Variants in CNNM2 observed in about 807,000 individuals in gnomAD.
The protein encoded by CNNM2 is cyclin and CBS domain divalent metal cation transport mediator 2.
A neutral mutation model predicts 66.9 loss-of-function variants in CNNM2; 12 were observed. The ratio of observed to expected loss-of-function variants is 0.18; its 90% CI spans 0.11 to 0.29. CNNM2 has a LOEUF of 0.29. Ranked by LOEUF, CNNM2 falls within the 10% of genes least tolerant of loss-of-function variation. The pLI is 1.00. For synonymous variants in CNNM2, 557 were observed against 501.8 expected (o/e 1.11, Z -1.47); for missense variants, 705 against 1,167.7 (o/e 0.60, Z 5.77).
chr10:103,089,946 G>C lies in CNNM2; in HGVS notation c.*12766G>C. On this transcript the variant is annotated 3_prime_UTR_variant, in exon 8 of 8. Coordinates refer to ENST00000369878, the MANE Select transcript of CNNM2 (RefSeq NM_017649.5). The stretch of plus-strand genomic sequence containing the variant: ...AAGCTAGAGGCTCAGAAAGCAGGCA[G>C]AGCAAAGTAGCTACTCCCCAAATCC... The C allele has an allele frequency of 6.5e-7, 1 of 1,531,288 alleles. No individual in the cohort carries two copies. Among genetic ancestry groups the C allele is most frequent in the Non-Finnish European group, 8.8e-7 (1 of 1,135,316 alleles). 94.9% of individuals were successfully genotyped at this position (1,531,288 alleles called of 1,614,324 possible). A position where few individuals can be genotyped will look rare whatever the true frequency, so the allele number is the denominator to read the frequency against.
intron 1 of CNNM2, among the ~76,000 whole-genome samples, chr10:103,043,231 C>T (rs901884275): frequency 4.6e-5 from 7 of 152,162 alleles, no homozygotes; most frequent in Non-Finnish European, 2.9e-5. Flanking sequence ...CCCACAGGCT[C>T]AGTTTGCCTT....
intron 1 of CNNM2, among the ~76,000 whole-genome samples, chr10:103,014,684 A>C (rs2064407578): frequency 6.6e-6 from 1 of 152,068 alleles, no homozygotes; most frequent in Non-Finnish European, 1.5e-5. Context: ...TTGTTTTTTG[A>C]CTGATGCTCA....
At chr10:102,929,713 G>T (rs1291282435) in intron 1 of CNNM2, among the ~76,000 whole-genome samples, 1 of 152,138 alleles carries the variant, frequency 6.6e-6, no homozygotes, top group Non-Finnish European at 1.5e-5. Context: ...CTCATCCGTT[G>T]ATAGACATTT....
At chr10:103,073,865 T>A in intron 6 of CNNM2, among the ~76,000 whole-genome samples, 1 of 55,524 alleles carries the variant, frequency 1.8e-5, no homozygotes, top group Non-Finnish European at 3.2e-5. Context: ...CGAGACTCCG[T>A]CTCAAAAAAA....
intron 1 of CNNM2, among the ~76,000 whole-genome samples, chr10:102,964,521 G>A (rs908733890): frequency 1.3e-5 from 2 of 152,246 alleles, no homozygotes; most frequent in Non-Finnish European, 2.9e-5. Context: ...GAGCCACTGC[G>A]CCTGGCTAGA....
At chr10:103,062,508 A>AG in intron 4 of CNNM2, among the ~76,000 whole-genome samples, 1 of 152,358 alleles carries the variant, frequency 6.6e-6, no homozygotes, top group African/African-American at 2.4e-5. Flanking sequence ...ATACTACTTA[A>AG]GTATATGTCA....
intron 1 of CNNM2, among the ~76,000 whole-genome samples, chr10:102,964,048 T>G (rs2063423793): frequency 6.6e-6 from 1 of 152,234 alleles, no homozygotes; most frequent in African/African-American, 2.4e-5. Context: ...TGTATATCAA[T>G]CCCTTAGGCA....
Position 103,077,084 on chromosome 10 carries a change from C to T in CNNM2, c.2532C>T (p.Asp844=), listed in dbSNP as rs569125352. Reference sequence around the variant, plus strand: ...AATTGACTCTTACGGAGCTGCATGACGGGTTGCCAGACGAGACAGCCAACC... The same window carrying T: ...AATTGACTCTTACGGAGCTGCATGATGGGTTGCCAGACGAGACAGCCAACC... ...KIELTLTELH[D]GLPDETANLL... is the part of the protein sequence containing the mutation. Residue 844 remains aspartate, a synonymous_variant, in exon 8 of 8, where the codon GAC becomes GAT. Coordinates refer to ENST00000369878, the MANE Select transcript of CNNM2 (RefSeq NM_017649.5). The T allele has an allele frequency of 1.0e-4, 169 of 1,613,966 alleles. No individual in the cohort carries two copies. The highest frequency in any genetic ancestry group is 1.2e-4 in the Non-Finnish European group (141 of 1,179,890).
intron 1 of CNNM2, among the ~76,000 whole-genome samples, chr10:103,002,104 A>C (rs2064133672): frequency 6.6e-6 from 1 of 152,238 alleles, no homozygotes; most frequent in Non-Finnish European, 1.5e-5. Context: ...ACCAAAAGCA[A>C]AAGCAACCAC....
Position 103,078,551 on chromosome 10 carries a change from A to G in CNNM2, c.*1371A>G, listed in dbSNP as rs968792588. On this transcript the variant is annotated 3_prime_UTR_variant, in exon 8 of 8. Transcript: ENST00000369878. ...AATACCAAATTCATCATGTAGTGAAATTATGTCAGGAGGTATATGAGTGAC... is the reference window on the plus strand; with the variant it reads ...AATACCAAATTCATCATGTAGTGAAGTTATGTCAGGAGGTATATGAGTGAC... 2 of 152,268 alleles carry G rather than the reference A, an allele frequency of 1.3e-5. No individual in the cohort carries two copies. Among genetic ancestry groups the G allele is most frequent in the African/African-American group, 2.4e-5 (1 of 41,466 alleles). The allele number at this position is 152,268 out of a possible 1,614,324, so 9.4% of individuals were successfully genotyped here. A position where few individuals can be genotyped will look rare whatever the true frequency, so the allele number is the denominator to read the frequency against.
chr10:103,075,967 A>C, intron 6 of CNNM2, 119 bp from the exon 7 acceptor site: 1 of 948,792 alleles, frequency 1.1e-6, no homozygotes, highest in Admixed American at 2.4e-5. Context: ...CGGCCGAGAC[A>C]TCTGGAATCA....
At chr10:103,056,529 A>C (rs1050604487) in intron 3 of CNNM2, among the ~76,000 whole-genome samples, 1 of 152,224 alleles carries the variant, frequency 6.6e-6, no homozygotes, top group Admixed American at 6.5e-5. Flanking sequence ...CGTTTCTGTC[A>C]GTGAAATTAG....
intron 5 of CNNM2, among the ~76,000 whole-genome samples, chr10:103,069,067 A>G (rs1174294505): frequency 6.6e-6 from 1 of 152,032 alleles, no homozygotes; most frequent in East Asian, 1.9e-4. Flanking sequence ...CTTTGCATAA[A>G]TGGAGACACT....
rs71019636 is a variant in CNNM2, at chr10:102,932,916, C to CAA, written c.1621+12836_1621+12837dup. On this transcript the variant is annotated intron_variant, in intron 1 of 7. Coordinates refer to ENST00000369878, the MANE Select transcript of CNNM2 (RefSeq NM_017649.5). ...TGGGTGACAGAGCAAGACTCTGTCTCAAAAAAAAAAAAAAAAAAAAAATTG... is the reference window on the plus strand; with the variant it reads ...TGGGTGACAGAGCAAGACTCTGTCTCAAAAAAAAAAAAAAAAAAAAAAAATTG... Among the ~76,000 whole-genome samples, 29 of 70,570 alleles carry CAA rather than the reference C, an allele frequency of 4.1e-4. No homozygotes were observed. Among genetic ancestry groups the CAA allele is most frequent in the Admixed American group, 1.4e-3 (9 of 6,436 alleles). 46.3% of individuals were successfully genotyped at this position (70,570 alleles called of 152,430 possible). A position where few individuals can be genotyped will look rare whatever the true frequency, so the allele number is the denominator to read the frequency against.
intron 1 of CNNM2, among the ~76,000 whole-genome samples, chr10:102,949,692 G>T (rs1846755648): frequency 6.6e-6 from 1 of 152,060 alleles, no homozygotes; most frequent in African/African-American, 2.4e-5. Flanking sequence ...GCTGAGGCAG[G>T]AATCTGGAAG....
chr10:103,068,727 G>A lies in CNNM2; in HGVS notation c.2167+5G>A, dbSNP rs748143800. On this transcript the variant is annotated splice_donor_5th_base_variant and intron_variant, in intron 5 of 7. Transcript: ENST00000369878. Reference sequence around the variant, plus strand: ...TGGCCCTGACAGCCTCTCCAGGTATGTTTGGTTCCCAGCCGCATAGGGCAG... The same window carrying A: ...TGGCCCTGACAGCCTCTCCAGGTATATTTGGTTCCCAGCCGCATAGGGCAG... 6 of 1,610,234 alleles carry A rather than the reference G, an allele frequency of 3.7e-6. No homozygotes were observed. The East Asian group carries it at 1.3e-4, about 36-fold the overall frequency.
intron 1 of CNNM2, among the ~76,000 whole-genome samples, chr10:102,973,317 C>T (rs2063574231): frequency 6.6e-6 from 1 of 151,860 alleles, no homozygotes; most frequent in South Asian, 2.1e-4. Flanking sequence ...CGCTCTGTTG[C>T]CCAGACTGGA....
intron 1 of CNNM2, among the ~76,000 whole-genome samples, chr10:102,961,589 A>G (rs1488169824): frequency 1.3e-5 from 2 of 152,156 alleles, no homozygotes; most frequent in African/African-American, 2.4e-5. Flanking sequence ...TAGATTTAAT[A>G]TAGTGTGACT....
At chr10:102,964,657 CAT>C (rs1282590935) in intron 1 of CNNM2, among the ~76,000 whole-genome samples, 1 of 152,150 alleles carries the variant, frequency 6.6e-6, no homozygotes, top group Non-Finnish European at 1.5e-5. Context: ...GCAGAGAAGA[CAT>C]AAACTTGGGC....
Sources: allele counts gnomAD v4.1 joint callset (sites outside exome capture counted in the v4.1 genomes callset), GRCh38; gene constraint gnomAD v4.1.1; transcripts MANE v1.5; gene names NCBI Gene and HGNC (gene_info 2026-07-23, HGNC 2026-07-21).